ADGRB3: variants seen among roughly 807,000 people sequenced by gnomAD.
ADGRB3 encodes the protein brain-specific angiogenesis inhibitor 3.
Under a neutral mutation model 193.4 loss-of-function variants are expected in ADGRB3, and 37 were observed. The observed-to-expected ratio is 0.19, with a 90% confidence interval of 0.15 to 0.25. The LOEUF (loss-of-function observed/expected upper bound fraction) is 0.25. ADGRB3 is among the 10% of genes least tolerant of loss of function. The probability of loss-of-function intolerance (pLI) is 1.00; values close to 1 mark genes in which losing one functional copy is unlikely to be tolerated. For synonymous variants in ADGRB3, 690 were observed against 644.2 expected (o/e 1.07, Z -1.08); for missense variants, 1,637 against 1,852.9 (o/e 0.88, Z 2.14).
chr6:68,988,789 A>G (rs1423747814), intron 10 of ADGRB3, among the ~76,000 whole-genome samples: 1 of 152,166 alleles, frequency 6.6e-6, no homozygotes, highest in African/African-American at 2.4e-5. Context: ...GCAATGACCC[A>G]GCACTGTATT....
At chr6:69,199,448 T>C (rs919406986) in intron 17 of ADGRB3, among the ~76,000 whole-genome samples, 1 of 152,086 alleles carries the variant, frequency 6.6e-6, no homozygotes, top group Admixed American at 6.6e-5. Flanking sequence ...AGATAACTCA[T>C]TTAAAGCACT....
intron 3 of ADGRB3, among the ~76,000 whole-genome samples, chr6:68,917,483 A>G (rs1392787698): frequency 6.6e-6 from 1 of 151,800 alleles, no homozygotes; most frequent in Non-Finnish European, 1.5e-5. Context: ...GATAATTACT[A>G]TTTTTTTTCC....
intron 20 of ADGRB3, among the ~76,000 whole-genome samples, chr6:69,273,065 TA>T (rs1227837856): frequency 1.3e-5 from 2 of 152,150 alleles, no homozygotes; most frequent in African/African-American, 4.8e-5. Context: ...CATGCCCGGC[TA>T]ATTTTTGTAA....
chr6:69,276,089 A>G (rs1767297772), intron 20 of ADGRB3, among the ~76,000 whole-genome samples: 3 of 152,228 alleles, frequency 2.0e-5, no homozygotes, highest in Admixed American at 2.0e-4. Context: ...GCTTTCTCAT[A>G]AGGTAAAAAA....
chr6:69,105,352 G>A (rs1285063958), intron 17 of ADGRB3, among the ~76,000 whole-genome samples: 1 of 152,126 alleles, frequency 6.6e-6, no homozygotes, highest in Non-Finnish European at 1.5e-5. Context: ...TGGATGAGTA[G>A]CAGTGCTTCT....
intron 3 of ADGRB3, among the ~76,000 whole-genome samples, chr6:68,925,314 G>A (rs1175944888): frequency 6.6e-6 from 1 of 151,864 alleles, no homozygotes; most frequent in Non-Finnish European, 1.5e-5. Context: ...ACAGTATGCA[G>A]GAAATATTTT....
rs138056621 is a variant in ADGRB3 at position 69,308,086 on chromosome 6, T to C, written c.2815-16786T>C. ...GCTCCAGCTTAAGAATTTGAGAAGA[T>C]ATAGACTTTTTTCAATTTAAGCAGA... On this transcript the variant is annotated intron_variant, in intron 20 of 31. Transcript: ENST00000370598. 4.4e-3 allele frequency among the ~76,000 whole-genome samples: 660 copies of C among 151,500 alleles called. 20 individuals carry two copies. Among genetic ancestry groups the C allele is most frequent in the African/African-American group, 0.015 (630 of 41,220 alleles).
chr6:69,053,287 A>G (rs745828956), intron 15 of ADGRB3, among the ~76,000 whole-genome samples: 4 of 152,238 alleles, frequency 2.6e-5, no homozygotes, highest in Admixed American at 6.5e-5. Context: ...TGAGATCCTT[A>G]TCGCTTAGGT....
intron 17 of ADGRB3, among the ~76,000 whole-genome samples, chr6:69,207,055 G>C (rs540549834): frequency 6.4e-4 from 98 of 152,268 alleles, no homozygotes; most frequent in African/African-American, 2.3e-3. Context: ...CATCTTGATA[G>C]TCTAGGTCAT....
chr6:69,036,034 G>A (rs894560394), intron 13 of ADGRB3, among the ~76,000 whole-genome samples: 7 of 152,146 alleles, frequency 4.6e-5, no homozygotes, highest in African/African-American at 1.2e-4. Context: ...AGACAGTTTA[G>A]TATTAGGTCT....
Position 68,975,397 on chromosome 6 carries a change from G to C in ADGRB3, c.1734+57G>C. On this transcript the variant is annotated intron_variant, in intron 10 of 31. Transcript: ENST00000370598. ...TGTTTATTTTTTGCTAATGATCACTGTGTGAGAATTTAACCTTCTGCTGTA... is the reference window on the plus strand; with the variant it reads ...TGTTTATTTTTTGCTAATGATCACTCTGTGAGAATTTAACCTTCTGCTGTA... 2.2e-6 allele frequency: 3 copies of C among 1,341,758 alleles called. No homozygotes were observed. The Admixed American group carries it at 5.3e-5, about 24-fold the overall frequency. The allele number at this position is 1,341,758 out of a possible 1,614,324, so 83.1% of individuals were successfully genotyped here. A position where few individuals can be genotyped will look rare whatever the true frequency, so the allele number is the denominator to read the frequency against.
At chr6:69,273,131 C>G (rs1194289737) in intron 20 of ADGRB3, among the ~76,000 whole-genome samples, 7 of 152,090 alleles carry the variant, frequency 4.6e-5, no homozygotes, top group Non-Finnish European at 8.8e-5. Context: ...GAACTCCTGA[C>G]CTGAGGTGAT....
intron 17 of ADGRB3, among the ~76,000 whole-genome samples, chr6:69,090,658 C>T (rs563282703): frequency 2.2e-4 from 34 of 152,112 alleles, no homozygotes; most frequent in Non-Finnish European, 4.6e-4. Flanking sequence ...GTTAGATATG[C>T]GGCCACAAAG....
chr6:68,673,297 T>A (rs1769011382), intron 3 of ADGRB3, among the ~76,000 whole-genome samples: 1 of 152,100 alleles, frequency 6.6e-6, no homozygotes, highest in South Asian at 2.1e-4. Flanking sequence ...AGAATCTTTA[T>A]TTACTACTAG....
At chr6:68,917,623 C>T (rs1766920195) in intron 3 of ADGRB3, among the ~76,000 whole-genome samples, 1 of 152,164 alleles carries the variant, frequency 6.6e-6, no homozygotes, top group Non-Finnish European at 1.5e-5. Flanking sequence ...AGTTTTCTTA[C>T]TGGATTTTAT....
rs540106115 is a variant in ADGRB3, at chr6:68,953,222, A to G, written c.1196-2802A>G. Among the ~76,000 whole-genome samples, 4 of 152,250 alleles carry G rather than the reference A, an allele frequency of 2.6e-5. No individual in the cohort carries two copies. The East Asian group carries it at 5.8e-4, about 22-fold the overall frequency. ...CAGAAAACATATAACTATTGCATTC[A>G]TAATAAATCATACTCAAAATTTACC... On this transcript the variant is annotated intron_variant, in intron 6 of 31. Transcript: ENST00000370598.
At chr6:69,297,342 C>CTCTCTCTCTCTCTCTCTCTCTT (rs1174843354) in intron 20 of ADGRB3, among the ~76,000 whole-genome samples, 1 of 113,008 alleles carries the variant, frequency 8.8e-6, no homozygotes, top group African/African-American at 4.2e-5. Context: ...CTACTGATAT[C>CTCTCTCTCTCTCTCTCTCTCTT]TCTCTCTCTC....
chr6:68,961,371 C>G, intron 8 of ADGRB3, among the ~76,000 whole-genome samples: 1 of 152,158 alleles, frequency 6.6e-6, no homozygotes, highest in East Asian at 1.9e-4. Context: ...GCCCCAGCAT[C>G]TCTCTTCCTG....
intron 17 of ADGRB3, among the ~76,000 whole-genome samples, chr6:69,214,103 A>G (rs1035479629): frequency 4.0e-4 from 61 of 152,306 alleles, no homozygotes; most frequent in African/African-American, 1.4e-3. Context: ...AGAAGAGGGT[A>G]TTTGACCTGA....
Sources: gnomAD v4.1 joint callset for allele counts (sites outside exome capture counted in the v4.1 genomes callset) on GRCh38, gnomAD v4.1.1 for gene constraint, MANE v1.5 for transcripts, NCBI Gene and HGNC (gene_info 2026-07-23, HGNC 2026-07-21) for gene names.